SLC12A7: variants seen among roughly 807,000 people sequenced by gnomAD.
SLC12A7 encodes solute carrier family 12 member 7, also known as K-Cl cotransporter 4.
Under a neutral mutation model 120.6 loss-of-function variants are expected in SLC12A7, and 100 were observed. The observed-to-expected ratio is 0.83, with a 90% CI of 0.71 to 0.98. SLC12A7 has a LOEUF of 0.98. Among genes scored for constraint, SLC12A7 ranks in the 50% least tolerant of loss-of-function variants. SLC12A7 has a pLI of 0.00. For synonymous variants in SLC12A7, 760 were observed against 678.0 expected (o/e 1.12, Z -1.88); for missense variants, 1,373 against 1,548.1 (o/e 0.89, Z 1.90).
chr5:1,053,609 C>T (rs756451296), intron 22 of SLC12A7, 127 bp from the exon 23 acceptor site: 41 of 1,249,120 alleles, frequency 3.3e-5, no homozygotes, highest in Non-Finnish European at 3.3e-5. Flanking sequence ...CAGGATCAGG[C>T]GGATTCTCTG....
chr5:1,062,588 G>A (rs11957287), intron 20 of SLC12A7, among the ~76,000 whole-genome samples: 9 of 152,214 alleles, frequency 5.9e-5, no homozygotes, highest in African/African-American at 1.2e-4. Flanking sequence ...GAAGGTTGTC[G>A]GTGAGGCACG....
intron 1 of SLC12A7, among the ~76,000 whole-genome samples, chr5:1,104,702 G>A (rs1167466003): frequency 1.3e-5 from 2 of 152,210 alleles, no homozygotes; most frequent in Non-Finnish European, 2.9e-5. Context: ...TGCGTGTGGG[G>A]TGCTGCCCAA....
rs1735776291 is a variant in SLC12A7, at chr5:1,057,718, G to A, written c.2848-69C>T. The A allele has an allele frequency of 4.1e-6, 6 of 1,462,672 alleles. No homozygotes were observed. The South Asian group carries it at 6.5e-5, about 16-fold the overall frequency. The allele number at this position is 1,462,672 out of a possible 1,614,324, so 90.6% of individuals were successfully genotyped here. ...CCTCTGGGCGAGAGCGACCCGGGAT[G>A]CCAGGCCGGAGGTGAGGGCAGCTCA... is the stretch of plus-strand genomic sequence containing the variant. On this transcript the variant is annotated intron_variant, in intron 21 of 23. Coordinates refer to ENST00000264930, the MANE Select transcript of SLC12A7 (RefSeq NM_006598.3).
intron 3 of SLC12A7, among the ~76,000 whole-genome samples, chr5:1,090,850 C>G (rs1226449221): frequency 1.3e-5 from 2 of 152,250 alleles, no homozygotes; most frequent in Non-Finnish European, 2.9e-5. Context: ...TAAGGCTCAA[C>G]CTGACCCAAT....
At chr5:1,129,828 G>A in the SLC12A7 span, among the ~76,000 whole-genome samples, 58 of 152,276 alleles carry the variant, frequency 3.8e-4, no homozygotes, top group African/African-American at 1.2e-3. Context: ...CTGCTGACCC[G>A]AAACCTGGTG....
At chr5:1,149,644 A>G in the SLC12A7 span, among the ~76,000 whole-genome samples, 1 of 152,218 alleles carries the variant, frequency 6.6e-6, no homozygotes, top group East Asian at 1.9e-4. Flanking sequence ...GTGTCTTCAC[A>G]ATTATTAGTG....
chr5:1,063,226 G>A (rs1391980775), intron 20 of SLC12A7, among the ~76,000 whole-genome samples: 1 of 152,216 alleles, frequency 6.6e-6, no homozygotes, highest in Admixed American at 6.5e-5. Flanking sequence ...TCTGTCCCAC[G>A]TGACAGCTGC....
In SLC12A7 at chr5:1,061,008, C is replaced by CACAGTGTGGGACTG. The variant is rs1561034577; in HGVS notation, c.2740-558_2740-557insCAGTCCCACACTGT. On this transcript the variant is annotated intron_variant, in intron 20 of 23. Coordinates refer to ENST00000264930, the MANE Select transcript of SLC12A7 (RefSeq NM_006598.3). ...CCCACTGCACCTGCCGTGCAGGATC[C>CACAGTGTGGGACTG]CTGAGTCTCACCCGCCGCACCCGCC... Among the ~76,000 whole-genome samples the CACAGTGTGGGACTG allele has an allele frequency of 2.0e-3, 270 of 136,514 alleles. 4 individuals carry two copies. The highest frequency in any genetic ancestry group is 7.3e-3 in the African/African-American group (248 of 34,006). 89.6% of individuals were successfully genotyped at this position (136,514 alleles called of 152,430 possible). A position where few individuals can be genotyped will look rare whatever the true frequency, so the allele number is the denominator to read the frequency against.
intron 17 of SLC12A7, among the ~76,000 whole-genome samples, chr5:1,066,412 C>A (rs1406693223): frequency 1.3e-5 from 2 of 152,160 alleles, no homozygotes; most frequent in Admixed American, 6.5e-5. Context: ...GGACTCAGAG[C>A]TGGTCTGTGC....
intron 14 of SLC12A7, 144 bp downstream of exon 14, chr5:1,075,994 G>A (rs1738284103): frequency 3.1e-6 from 2 of 653,782 alleles, no homozygotes; most frequent in Admixed American, 2.9e-5. Flanking sequence ...GGGTCTTCAG[G>A]CCCAGAGCAG....
Position 1,075,400 on chromosome 5 carries a change from G to C in SLC12A7, c.1938C>G (p.Gly646=). Residue 646 remains glycine (G), a synonymous_variant, in exon 15 of 24, where the codon GGC becomes GGG. Transcript: ENST00000264930. ...YYALSAMLIA[G]CIYKYIEYRG... is the part of the protein sequence containing the mutation. The stretch of plus-strand genomic sequence containing the variant: ...GGTACTCGATGTACTTGTAGATGCA[G>C]CCAGCGATGAGCATGGCGGACAGCG... The C allele has an allele frequency of 6.2e-7, 1 of 1,612,346 alleles. No homozygotes were observed. Among genetic ancestry groups the C allele is most frequent in the Non-Finnish European group, 8.5e-7 (1 of 1,179,486 alleles).
chr5:1,141,356 G>T, the SLC12A7 span, among the ~76,000 whole-genome samples: 1 of 152,256 alleles, frequency 6.6e-6, no homozygotes, highest in Admixed American at 6.5e-5. Flanking sequence ...CTAGGCAGTA[G>T]GACCCCCAGT....
chr5:1,056,484 G>A (rs1579308457), intron 22 of SLC12A7: 1 of 571,320 alleles, frequency 1.8e-6, no homozygotes, highest in Non-Finnish European at 2.2e-6. Context: ...GCAGGCACAG[G>A]CCTAGAACAC....
the SLC12A7 span, among the ~76,000 whole-genome samples, chr5:1,142,045 G>A: frequency 6.6e-6 from 1 of 151,978 alleles, no homozygotes; most frequent in African/African-American, 2.4e-5. Flanking sequence ...CTCCACCTTT[G>A]CTTCTGGTGC....
At chr5:1,120,994 C>T in the SLC12A7 span, among the ~76,000 whole-genome samples, 4 of 152,212 alleles carry the variant, frequency 2.6e-5, no homozygotes, top group South Asian at 8.3e-4. Context: ...GCCAGCTGCA[C>T]CTCACTCAGA....
chr5:1,056,638 G>T, intron 22 of SLC12A7: 1 of 971,428 alleles, frequency 1.0e-6, no homozygotes, highest in Non-Finnish European at 1.2e-6. Flanking sequence ...CTGACTTCAG[G>T]AGAGAGCACC....
intron 9 of SLC12A7, among the ~76,000 whole-genome samples, 178 bp from the exon 10 acceptor site, chr5:1,079,674 G>A (rs559406413): frequency 7.2e-5 from 11 of 152,290 alleles, no homozygotes; most frequent in East Asian, 1.9e-4. Flanking sequence ...GAGGGGATGC[G>A]GGCCCAGGCA....
intron 9 of SLC12A7, among the ~76,000 whole-genome samples, chr5:1,080,457 C>T (rs749422881): frequency 2.6e-5 from 4 of 152,214 alleles, no homozygotes; most frequent in African/African-American, 7.2e-5. Flanking sequence ...AAGGGAAACA[C>T]GAGAAGCCAG....
At chr5:1,060,246 G>A (rs1160682392) in intron 21 of SLC12A7, 98 bp downstream of exon 21, 2 of 878,754 alleles carry the variant, frequency 2.3e-6, no homozygotes, top group South Asian at 1.4e-5. Flanking sequence ...GCTCTCTGGA[G>A]GACCCTCGTG....
Sources: allele counts gnomAD v4.1 joint callset (sites outside exome capture counted in the v4.1 genomes callset), GRCh38; gene constraint gnomAD v4.1.1; transcripts MANE v1.5; gene names NCBI Gene and HGNC (gene_info 2026-07-23, HGNC 2026-07-21).